Variants in PDE12 observed in about 807,000 individuals in gnomAD.
PDE12 encodes the protein phosphodiesterase 12, also known as 2',5'-phosphodiesterase 12.
Under a neutral mutation model 45.4 loss-of-function variants are expected in PDE12, and 26 were observed. That is an observed-to-expected ratio of 0.57 (90% confidence interval 0.42 to 0.79). The LOEUF (loss-of-function observed/expected upper bound fraction) is 0.79, where lower values mean the gene tolerates loss of function less well. PDE12 is among the 30% of genes least tolerant of loss of function. The pLI is 0.00. For missense variants in PDE12, 668 were observed against 790.0 expected, an observed-to-expected ratio of 0.85 and a Z score of 1.85; for synonymous variants, 283 against 323.9, an observed-to-expected ratio of 0.87 and a Z score of 1.36.
chr3:57,559,873 T>C lies in PDE12; in HGVS notation c.1699T>C (p.Leu567=). ...ATGTCTAGATTACATTTTCATTGACTTAAATGCTTTAGAGGTTGAACAGGT... is the reference window on the plus strand; with the variant it reads ...ATGTCTAGATTACATTTTCATTGACCTAAATGCTTTAGAGGTTGAACAGGT... ...HGCLDYIFID[L]NALEVEQVIP... Residue 567 remains leucine (L), a synonymous_variant, in exon 3 of 3, where the codon TTA becomes CTA. Coordinates refer to ENST00000311180, the MANE Select transcript of PDE12 (RefSeq NM_177966.7). The C allele has an allele frequency of 6.2e-7, 1 of 1,614,160 alleles. No individual in the cohort carries two copies. The highest frequency in any genetic ancestry group is 8.5e-7 in the Non-Finnish European group (1 of 1,180,036).
chr3:57,597,267 G>T, the PDE12 span: 1 of 908,850 alleles, frequency 1.1e-6, no homozygotes, highest in Non-Finnish European at 1.7e-6. Context: ...AAAGAGGGAG[G>T]CAGAAACGTC....
chr3:57,583,632 T>C, the PDE12 span, among the ~76,000 whole-genome samples: 1 of 152,136 alleles, frequency 6.6e-6, no homozygotes. Flanking sequence ...GAACTACGGA[T>C]AAGAGACCTA....
At chr3:57,633,118 C>A in the PDE12 span, 4 of 663,576 alleles carry the variant, frequency 6.0e-6, no homozygotes, top group Non-Finnish European at 1.0e-5. Flanking sequence ...TAATCCAGGT[C>A]TCTTGCAAAG....
At chr3:57,616,949 G>A in the PDE12 span, among the ~76,000 whole-genome samples, 2 of 152,216 alleles carry the variant, frequency 1.3e-5, no homozygotes, top group African/African-American at 4.8e-5. Context: ...GCTTGAACCC[G>A]GGAAGCGGAG....
At chr3:57,609,498 A>G in the PDE12 span, among the ~76,000 whole-genome samples, 1 of 152,320 alleles carries the variant, frequency 6.6e-6, no homozygotes, top group South Asian at 2.1e-4. Context: ...AAGCAAGACT[A>G]ATAAGAAGAG....
intron 1 of PDE12, among the ~76,000 whole-genome samples, chr3:57,558,169 T>C (rs2069687267): frequency 6.6e-6 from 1 of 151,394 alleles, no homozygotes; most frequent in African/African-American, 2.4e-5. Flanking sequence ...TTAAAGTTTT[T>C]AAGTAATTGA....
In PDE12 at chr3:57,560,621, C is replaced by T. The variant is rs1427646815; in HGVS notation, c.*617C>T. 2.3e-5 allele frequency: 23 copies of T among 984,974 alleles called. No homozygotes were observed. In the South Asian group the frequency reaches 2.8e-4, roughly 12 times the overall value. The allele number at this position is 984,974 out of a possible 1,614,324, so 61.0% of individuals were successfully genotyped here. A position where few individuals can be genotyped will look rare whatever the true frequency, so the allele number is the denominator to read the frequency against. ...GATTACAGGCGTGAGCCACCGCACC[C>T]GGCCCTTGTGTACATTTTTATAAGA... On this transcript the variant is annotated 3_prime_UTR_variant, in exon 3 of 3. Coordinates refer to ENST00000311180, the MANE Select transcript of PDE12 (RefSeq NM_177966.7).
At chr3:57,633,042 T>C in the PDE12 span, among the ~76,000 whole-genome samples, 1 of 151,996 alleles carries the variant, frequency 6.6e-6, no homozygotes, top group Non-Finnish European at 1.5e-5. Flanking sequence ...ATTTCACAGG[T>C]GAGAAAATTG....
At chr3:57,597,306 G>A in the PDE12 span, 4 of 635,806 alleles carry the variant, frequency 6.3e-6, no homozygotes, top group Non-Finnish European at 1.1e-5. Context: ...ATGAAGATCC[G>A]GCACAGGAAT....
At chr3:57,611,909 C>A in the PDE12 span, among the ~76,000 whole-genome samples, 8 of 152,136 alleles carry the variant, frequency 5.3e-5, no homozygotes, top group Admixed American at 2.6e-4. Flanking sequence ...GATTATAAAT[C>A]ATGCTGCTAT....
chr3:57,573,110 G>A, the PDE12 span, among the ~76,000 whole-genome samples: 2 of 150,854 alleles, frequency 1.3e-5, no homozygotes, highest in Non-Finnish European at 3.0e-5. Flanking sequence ...GCTGAGGCAG[G>A]AGAATGGCAT....
chr3:57,646,440 T>C, the PDE12 span: 1 of 1,611,038 alleles, frequency 6.2e-7, no homozygotes, highest in Non-Finnish European at 8.5e-7. Flanking sequence ...CAGAAACACC[T>C]GAAAGGTGAT....
the PDE12 span, among the ~76,000 whole-genome samples, chr3:57,603,614 G>A: frequency 0.023 from 3,411 of 151,240 alleles, 62 homozygotes; most frequent in Non-Finnish European, 0.036. Flanking sequence ...ACCATGGCCG[G>A]CCAGAAATTT....
the PDE12 span, among the ~76,000 whole-genome samples, chr3:57,592,753 A>G: frequency 6.6e-6 from 1 of 152,132 alleles, no homozygotes; most frequent in African/African-American, 2.4e-5. Context: ...TGTTTCCTAT[A>G]TTCACATAAT....
the PDE12 span, among the ~76,000 whole-genome samples, chr3:57,612,258 G>T: frequency 9.1e-6 from 1 of 110,064 alleles, no homozygotes; most frequent in Admixed American, 1.2e-4. Context: ...GGGGGAGGGG[G>T]GAGGGATAGC....
the PDE12 span, among the ~76,000 whole-genome samples, chr3:57,644,315 T>A: frequency 2.3e-4 from 35 of 151,836 alleles, no homozygotes; most frequent in South Asian, 6.2e-4. Flanking sequence ...TACAAAAAAA[T>A]TTTTTTTGAG....
Position 57,557,076 on chromosome 3 carries a change from C to T in PDE12, c.697C>T (p.Arg233Cys). The T allele has an allele frequency of 6.2e-7, 1 of 1,614,030 alleles. No homozygotes were observed. The highest frequency in any genetic ancestry group is 1.1e-5 in the South Asian group (1 of 91,090). ...TTGGACTGAGACTGATGTGGAGGAG[C>T]GTGTCTACACCCCGTCCAATGCCGA... Reference protein sequence around the residue: ...SSWTETDVEERVYTPSNADIG... With the variant: ...SSWTETDVEECVYTPSNADIG... The change falls in exon 1 of 3, where the codon CGT becomes TGT. Residue 233 changes from arginine (R) to cysteine (C), a missense_variant. Coordinates refer to ENST00000311180, the MANE Select transcript of PDE12 (RefSeq NM_177966.7).
At chr3:57,581,065 G>A in the PDE12 span, among the ~76,000 whole-genome samples, 1 of 152,196 alleles carries the variant, frequency 6.6e-6, no homozygotes, top group South Asian at 2.1e-4. Flanking sequence ...AAGCCCAGCT[G>A]CTATGAAATT....
the PDE12 span, among the ~76,000 whole-genome samples, chr3:57,609,915 G>A: frequency 1.3e-5 from 2 of 152,084 alleles, no homozygotes; most frequent in Non-Finnish European, 1.5e-5. Context: ...ACCAAAGGCT[G>A]GCAGAGACAC....
Sources: gnomAD v4.1 joint callset for allele counts (sites outside exome capture counted in the v4.1 genomes callset) on GRCh38, gnomAD v4.1.1 for gene constraint, MANE v1.5 for transcripts, NCBI Gene and HGNC (gene_info 2026-07-23, HGNC 2026-07-21) for gene names.